CATSPER1: variants seen among roughly 807,000 people sequenced by gnomAD.
CATSPER1 encodes cation channel sperm associated 1, also known as cation channel sperm-associated protein 1.
CATSPER1 carries 57 observed loss-of-function variants against 72.7 expected under a neutral mutation model. The ratio of observed to expected loss-of-function variants is 0.78; its 90% CI spans 0.63 to 0.98. The LOEUF is 0.98. CATSPER1 is among the 50% of genes least tolerant of loss of function. The pLI is 0.00. For missense variants in CATSPER1, 910 were observed against 1,033.9 expected (o/e 0.88, Z 1.64); for synonymous variants, 363 against 403.0 (o/e 0.90, Z 1.19).
Position 66,017,193 on chromosome 11 carries a change from G to GGGGGGCCC in CATSPER1, c.2202-20_2202-19insGGGCCCCC. 2 of 493,780 alleles carry GGGGGGCCC rather than the reference G, an allele frequency of 4.1e-6. No individual in the cohort carries two copies. Among genetic ancestry groups the GGGGGGCCC allele is most frequent in the East Asian group, 5.5e-5 (1 of 18,080 alleles). The allele number at this position is 493,780 out of a possible 1,614,324, so 30.6% of individuals were successfully genotyped here. A position where few individuals can be genotyped will look rare whatever the true frequency, so the allele number is the denominator to read the frequency against. On this transcript the variant is annotated intron_variant, in intron 10 of 11. Coordinates refer to ENST00000312106, the MANE Select transcript of CATSPER1 (RefSeq NM_053054.4). Reference sequence around the variant, plus strand: ...CTGCTGCCTGCGGGTGGGCGGGGGGGTCGCAGAGACAGGGGCTGGGCTGAC... The same window carrying GGGGGGCCC: ...CTGCTGCCTGCGGGTGGGCGGGGGGGGGGGGCCCTCGCAGAGACAGGGGCTGGGCTGAC...
At chr11:66,016,995 C>T in intron 11 of CATSPER1, 65 bp downstream of exon 11, 1 of 1,612,638 alleles carries the variant, frequency 6.2e-7, no homozygotes, top group Non-Finnish European at 8.5e-7. Flanking sequence ...TTACTTGGAG[C>T]CATTTCTGGC....
At chr11:66,024,903 G>A (rs1200611995) in intron 1 of CATSPER1, among the ~76,000 whole-genome samples, 3 of 152,198 alleles carry the variant, frequency 2.0e-5, no homozygotes, top group African/African-American at 7.2e-5. Flanking sequence ...CACATTGGAT[G>A]AGTATCAATG....
rs559267293 is a variant in CATSPER1, at chr11:66,020,691, C to T, written c.1928-64G>A. The T allele has an allele frequency of 1.5e-4, 241 of 1,595,580 alleles. No homozygotes were observed. Among genetic ancestry groups the T allele is most frequent in the Non-Finnish European group, 1.9e-4 (227 of 1,166,306 alleles). On this transcript the variant is annotated intron_variant, in intron 6 of 11. Transcript: ENST00000312106. The surrounding 1 kb of genome is among the most constrained non-coding windows in gnomAD (Gnocchi z 4.5). ...TCGCCACCCCCAACCACGACCTGCT[C>T]CCTTCCCATACCCGGACATGCAGGC...
Position 66,020,879 on chromosome 11 carries a change from A to C in CATSPER1, c.1859T>G (p.Ile620Ser). 1 of 1,613,982 alleles carries C rather than the reference A, an allele frequency of 6.2e-7. No individual in the cohort carries two copies. The highest frequency in any genetic ancestry group is 8.5e-7 in the Non-Finnish European group (1 of 1,180,014). Residue 620 changes from isoleucine (I) to serine (S), a missense_variant, in exon 6 of 12, where the codon ATC (isoleucine) becomes AGC (serine). By Grantham distance (142) the Ile-to-Ser change is moderately radical. Coordinates refer to ENST00000312106, the MANE Select transcript of CATSPER1 (RefSeq NM_053054.4). This position sits in a 1 kb window ranked among gnomAD's most constrained non-coding sequence, Gnocchi z 4.5. ...PKRFQNIFTTIFTLFTLLTLD... is the reference protein window; with the variant it reads ...PKRFQNIFTTSFTLFTLLTLD... ...CGTGAGCAAGGTGAAGAGGGTGAAG[A>C]TGGTGGTGAAGATGTTCTGGAAGCG...
Position 66,017,174 on chromosome 11 carries a change from CCT to C in CATSPER1, c.2202-2_2202-1del. 1.8e-6 allele frequency: 1 copy of C among 555,664 alleles called. No individual in the cohort carries two copies. Among genetic ancestry groups the C allele is most frequent in the South Asian group, 1.4e-5 (1 of 69,030 alleles). 34.4% of individuals were successfully genotyped at this position (555,664 alleles called of 1,614,324 possible). ...GGTAATGGAACAGGAGCTCCTGCTG[CCT>C]GCGGGTGGGCGGGGGGGTCGCAGAG... On this transcript the variant is annotated splice_acceptor_variant, in intron 10 of 11. Coordinates refer to ENST00000312106, the MANE Select transcript of CATSPER1 (RefSeq NM_053054.4). LOFTEE classifies it high-confidence loss of function.
At chr11:66,023,798 A>T (rs1301484409) in intron 1 of CATSPER1, among the ~76,000 whole-genome samples, 2 of 151,718 alleles carry the variant, frequency 1.3e-5, no homozygotes, top group African/African-American at 4.8e-5. Flanking sequence ...CAACTTACAT[A>T]TGGAAAACCC....
rs1004134821 is a variant in CATSPER1, at chr11:66,025,505, T to G, written c.875A>C (p.Gln292Pro). 6.2e-7 allele frequency: 1 copy of G among 1,606,554 alleles called. No homozygotes were observed. ...HPHHTQHHYH[Q>P]THRHRDYHQH... ...ATGGTAGTCTCGGTGCCGGTGGGTC[T>G]GGTGGTAGTGGTGCTGTGTGTGGTG... The change falls in exon 1 of 12, where the codon CAG (glutamine) becomes CCG (proline). Residue 292 changes from glutamine to proline, a missense_variant. Coordinates refer to ENST00000312106, the MANE Select transcript of CATSPER1 (RefSeq NM_053054.4).
chr11:66,024,487 C>T (rs1856451558), intron 1 of CATSPER1, among the ~76,000 whole-genome samples: 1 of 152,050 alleles, frequency 6.6e-6, no homozygotes, highest in Admixed American at 6.6e-5. Flanking sequence ...GCCATGTTGG[C>T]CAGGCTGGTC....
At chr11:66,022,783 G>C (rs1856402176) in intron 2 of CATSPER1, 66 bp downstream of exon 2, 2 of 1,529,080 alleles carry the variant, frequency 1.3e-6, no homozygotes, top group African/African-American at 2.7e-5. Flanking sequence ...CACTGGATCA[G>C]GCCCACGGAG....
chr11:66,019,232 C>G (rs1236148244), intron 9 of CATSPER1, among the ~76,000 whole-genome samples: 1 of 152,124 alleles, frequency 6.6e-6, no homozygotes, highest in African/African-American at 2.4e-5. Flanking sequence ...GCCCCACCCC[C>G]CAGCTTCAAG....
chr11:66,022,889 C>T lies in CATSPER1; in HGVS notation c.1389G>A (p.Met463Ile), dbSNP rs1254439972. The change falls in exon 2 of 12, where the codon ATG (methionine) becomes ATA (isoleucine). Residue 463 changes from methionine (M) to isoleucine (I), a missense_variant. Met to Ile is a conservative substitution (Grantham distance 10, BLOSUM62 1). Coordinates refer to ENST00000312106, the MANE Select transcript of CATSPER1 (RefSeq NM_053054.4). Reference protein sequence around the residue: ...IFFVVCLNTVMLVAQTFAEVE... With the variant: ...IFFVVCLNTVILVAQTFAEVE... ...CTTCAGCGAAGGTCTGGGCCACCAG[C>T]ATGACGGTGTTGAGGCAGACAACGA... 1 of 1,614,220 alleles carries T rather than the reference C, an allele frequency of 6.2e-7. No individual in the cohort carries two copies. The highest frequency in any genetic ancestry group is 1.3e-5 in the African/African-American group (1 of 75,070).
rs1856480070 is a variant in CATSPER1, at chr11:66,025,520, T to A, written c.860A>T (p.Gln287Leu). ...CCGGTGGGTCTGGTGGTAGTGGTGC[T>A]GTGTGTGGTGGGGATGGTCGCCATG... The part of the protein sequence containing the change: ...YHHGDHPHHT[Q>L]HHYHQTHRHR... Residue 287 changes from glutamine (Q) to leucine (L), a missense_variant, in exon 1 of 12, where the codon CAG (glutamine) becomes CTG (leucine). Gln to Leu is a moderately radical substitution (Grantham distance 113). Coordinates refer to ENST00000312106, the MANE Select transcript of CATSPER1 (RefSeq NM_053054.4). 1 of 1,605,132 alleles carries A rather than the reference T, an allele frequency of 6.2e-7. No homozygotes were observed. Among genetic ancestry groups the A allele is most frequent in the Admixed American group, 1.7e-5 (1 of 58,198 alleles).
In CATSPER1 at chr11:66,025,490, C is replaced by T. The variant is rs370635615; in HGVS notation, c.890G>A (p.Arg297Gln). ...GTGGTCTTGGTGCTGATGGTAGTCT[C>T]GGTGCCGGTGGGTCTGGTGGTAGTG... ...QHHYHQTHRH[R>Q]DYHQHQDHHG... The change falls in exon 1 of 12, where the codon CGA becomes CAA. Residue 297 changes from arginine (R) to glutamine (Q), a missense_variant. By Grantham distance (43) the Arg-to-Gln change is conservative. Transcript: ENST00000312106. The T allele has an allele frequency of 3.1e-5, 50 of 1,609,808 alleles. No homozygotes were observed. The African/African-American group carries it at 4.0e-4, about 13-fold the overall frequency.
chr11:66,020,265 C>G lies in CATSPER1; in HGVS notation c.2064+52G>C. On this transcript the variant is annotated intron_variant, in intron 8 of 11. Coordinates refer to ENST00000312106, the MANE Select transcript of CATSPER1 (RefSeq NM_053054.4). This position sits in a 1 kb window ranked among gnomAD's most constrained non-coding sequence, Gnocchi z 4.5. The stretch of plus-strand genomic sequence containing the variant: ...CTGCTCAACCCTGGAGGCCCCTGGC[C>G]TCACTCCTCCAGCTTCCTGATCTGG... 1 of 1,614,114 alleles carries G rather than the reference C, an allele frequency of 6.2e-7. No individual in the cohort carries two copies. The highest frequency in any genetic ancestry group is 8.5e-7 in the Non-Finnish European group (1 of 1,179,938).
chr11:66,021,371 C>G (rs1856364545), intron 4 of CATSPER1, 125 bp downstream of exon 4: 2 of 1,327,860 alleles, frequency 1.5e-6, no homozygotes, highest in African/African-American at 2.9e-5. Flanking sequence ...CAGAAGCAGG[C>G]TGGGGTCAGC....
At chr11:66,023,875 C>G (rs988989048) in intron 1 of CATSPER1, among the ~76,000 whole-genome samples, 12 of 151,802 alleles carry the variant, frequency 7.9e-5, no homozygotes, top group Non-Finnish European at 1.8e-4. Context: ...ATGAAATGTT[C>G]CCTCCTCTGG....
chr11:66,017,222 C>T lies in CATSPER1; in HGVS notation c.2202-48G>A, dbSNP rs776277157. The T allele has an allele frequency of 7.7e-6, 11 of 1,437,486 alleles. No homozygotes were observed. The South Asian group carries it at 1.2e-4, about 16-fold the overall frequency. The allele number at this position is 1,437,486 out of a possible 1,614,324, so 89.0% of individuals were successfully genotyped here. On this transcript the variant is annotated intron_variant, in intron 10 of 11. Transcript: ENST00000312106. ...CAGAGACAGGGGCTGGGCTGACCTG[C>T]TGGCTGGGCCTACTGCACCCCAGAA...
At chr11:66,018,231 G>GA (rs1458017990) in intron 10 of CATSPER1, among the ~76,000 whole-genome samples, 2 of 150,842 alleles carry the variant, frequency 1.3e-5, no homozygotes, top group East Asian at 2.0e-4. Context: ...AAAGAAAAAA[G>GA]AAAAAAAGAG....
Position 66,020,446 on chromosome 11 carries a change from C to A in CATSPER1, c.1992-57G>T, listed in dbSNP as rs552933897. 1 of 1,609,260 alleles carries A rather than the reference C, an allele frequency of 6.2e-7. No individual in the cohort carries two copies. Among genetic ancestry groups the A allele is most frequent in the Non-Finnish European group, 8.5e-7 (1 of 1,176,010 alleles). On this transcript the variant is annotated intron_variant, in intron 7 of 11. Transcript: ENST00000312106. The surrounding 1 kb of genome is among the most constrained non-coding windows in gnomAD (Gnocchi z 4.5). ...GAGGAGGCCAGAGGAGAGGGGCACCCGGTACTTCTTGTGGGTTCAGCGTGG... is the reference window on the plus strand; with the variant it reads ...GAGGAGGCCAGAGGAGAGGGGCACCAGGTACTTCTTGTGGGTTCAGCGTGG...
Sources: allele counts gnomAD v4.1 joint callset (sites outside exome capture counted in the v4.1 genomes callset), GRCh38; gene constraint gnomAD v4.1.1; non-coding constraint Gnocchi (gnomAD v3.1); transcripts MANE v1.5; gene names NCBI Gene and HGNC (gene_info 2026-07-23, HGNC 2026-07-21).